Variants in MADD observed in about 807,000 individuals in gnomAD.
MADD encodes MAP kinase-activating death domain protein.
Under a neutral mutation model 176.7 loss-of-function variants are expected in MADD, and 109 were observed. The ratio of observed to expected loss-of-function variants is 0.62; its 90% CI spans 0.53 to 0.72. The LOEUF (loss-of-function observed/expected upper bound fraction) is 0.72, where lower values mean the gene tolerates loss of function less well. Ranked by LOEUF, MADD falls within the 30% of genes least tolerant of loss-of-function variation. The pLI, the probability that MADD is intolerant of heterozygous loss-of-function variation, is 0.00. For missense variants in MADD, 1,914 were observed against 2,045.5 expected (o/e 0.94, Z 1.24); for synonymous variants, 771 against 771.3 (o/e 1.00, Z 0.01).
chr11:47,297,156 A>G (rs115169413), intron 22 of MADD, among the ~76,000 whole-genome samples: 251 of 152,366 alleles, frequency 1.6e-3, no homozygotes, highest in African/African-American at 5.9e-3. Context: ...GATGTTCTCT[A>G]CAAGAGCTTA....
At chr11:47,300,206 C>CTTTT (rs777080143) in intron 22 of MADD, among the ~76,000 whole-genome samples, 2 of 130,350 alleles carry the variant, frequency 1.5e-5, no homozygotes, top group Non-Finnish European at 3.3e-5. Context: ...TTTTTTCTTT[C>CTTTT]TTTTTTTTTT....
At chr11:47,286,496 G>T (rs773170833) in exon 15 of MADD, 1 of 1,614,112 alleles carries the variant, frequency 6.2e-7, no homozygotes, top group Non-Finnish European at 8.5e-7. Context: ...CCCACCAAAG[G>T]TGCCCGAGAG....
intron 27 of MADD, among the ~76,000 whole-genome samples, chr11:47,317,369 T>G (rs1156362271): frequency 6.6e-6 from 1 of 152,166 alleles, no homozygotes; most frequent in Non-Finnish European, 1.5e-5. Context: ...GACAATGCAT[T>G]TGTAATTTTG....
At chr11:47,292,737 A>C (rs757018848) in intron 19 of MADD, 141 bp downstream of exon 21, 1 of 752,540 alleles carries the variant, frequency 1.3e-6, no homozygotes, top group Non-Finnish European at 2.3e-6. Context: ...GGTAGGTAGC[A>C]TGTGACTCCT....
chr11:47,285,248 G>A lies in MADD; in HGVS notation c.2411+54G>A. The A allele has an allele frequency of 3.8e-6, 6 of 1,593,050 alleles. No individual in the cohort carries two copies. The South Asian group carries it at 6.8e-5, about 18-fold the overall frequency. On this transcript the variant is annotated intron_variant, in intron 13 of 32. Coordinates refer to ENST00000402192, the Ensembl canonical transcript of MADD. ...GGTGACTGAAGGACCTCACCTCAGT[G>A]GACCCTGGGCAAGGGTTAATCAGAA...
At chr11:47,275,793 C>A in intron 3 of MADD, 106 bp from the exon 4 acceptor site, 1 of 1,108,784 alleles carries the variant, frequency 9.0e-7, no homozygotes, top group Admixed American at 2.3e-5. Context: ...CTTAATGATG[C>A]TCCGTTTCCC....
chr11:47,314,393 AC>A (rs2091879001), intron 26 of MADD, among the ~76,000 whole-genome samples: 1 of 152,188 alleles, frequency 6.6e-6, no homozygotes, highest in African/African-American at 2.4e-5. Context: ...TTTTAATGTA[AC>A]AATGTAAAAT....
At chr11:47,299,584 GCT>G (rs1491368471) in intron 22 of MADD, among the ~76,000 whole-genome samples, 2 of 65,236 alleles carry the variant, frequency 3.1e-5, no homozygotes, top group African/African-American at 2.0e-4. Flanking sequence ...AGATTTTAGG[GCT>G]TTTTTTTTTT....
intron 20 of MADD, 76 bp from the exon 23 acceptor site, chr11:47,295,420 A>C: frequency 1.6e-6 from 2 of 1,228,354 alleles, no homozygotes; most frequent in Non-Finnish European, 2.4e-6. Context: ...GAGGAGAAAG[A>C]AAAAGGTACA....
chr11:47,329,832 C>T (rs1229317246), exon 33 of MADD: 7 of 152,554 alleles, frequency 4.6e-5, no homozygotes, highest in Admixed American at 1.3e-4. Context: ...GCTGGCTGCT[C>T]TGCCTGAGCA....
At chr11:47,280,758 G>A (rs959848011) in intron 7 of MADD, among the ~76,000 whole-genome samples, 2 of 152,080 alleles carry the variant, frequency 1.3e-5, no homozygotes, top group Admixed American at 6.5e-5. Context: ...GTAGAGCTGG[G>A]GTTTCATCAT....
In MADD at chr11:47,327,818, A is replaced by G. The variant is rs911955053; in HGVS notation, c.4613-840A>G. 1.8e-5 allele frequency: 18 copies of G among 985,320 alleles called. No homozygotes were observed. The South Asian group carries it at 8.5e-4, about 46-fold the overall frequency. 61.0% of individuals were successfully genotyped at this position (985,320 alleles called of 1,614,324 possible). ...CCTGCCTTTTCTGGCCCCCAGGGAG[A>G]TGCCAGGCCCCTCTGCTCCCAGTCT... On this transcript the variant is annotated intron_variant, in intron 31 of 32. Coordinates refer to ENST00000402192, the Ensembl canonical transcript of MADD.
intron 22 of MADD, among the ~76,000 whole-genome samples, chr11:47,297,297 G>A (rs1222820324): frequency 6.6e-6 from 1 of 152,150 alleles, no homozygotes; most frequent in Non-Finnish European, 1.5e-5. Context: ...AATAGAGTCA[G>A]TGACCTCCCA....
At chr11:47,294,669 CAAA>C (rs58253961) in intron 20 of MADD, among the ~76,000 whole-genome samples, 2 of 56,030 alleles carry the variant, frequency 3.6e-5, no homozygotes, top group South Asian at 6.9e-4. Context: ...GACTCCGTCT[CAAA>C]AAAAAAAAAA....
chr11:47,317,690 C>G (rs188315717), intron 27 of MADD, among the ~76,000 whole-genome samples: 3 of 152,184 alleles, frequency 2.0e-5, no homozygotes, highest in Admixed American at 1.3e-4. Context: ...GCAACCTGAT[C>G]TGCCCACCAG....
intron 29 of MADD, 61 bp downstream of exon 32, chr11:47,324,398 G>C (rs1332873457): frequency 1.9e-6 from 3 of 1,603,272 alleles, no homozygotes; most frequent in Non-Finnish European, 2.6e-6. Context: ...TGAGTGTCAG[G>C]GGCCTGGCAG....
intron 22 of MADD, among the ~76,000 whole-genome samples, chr11:47,306,572 T>C (rs1234338497): frequency 6.6e-6 from 1 of 152,028 alleles, no homozygotes; most frequent in Admixed American, 6.6e-5. Flanking sequence ...TCTAGAATTG[T>C]CTTGCTTACT....
intron 19 of MADD, among the ~76,000 whole-genome samples, chr11:47,292,102 G>A (rs1279824626): frequency 1.3e-5 from 2 of 152,158 alleles, no homozygotes; most frequent in East Asian, 3.9e-4. Context: ...GCTGCTTGAG[G>A]TGTTCATCTG....
chr11:47,271,814 T>C (rs1964362200), intron 1 of MADD: 1 of 151,434 alleles, frequency 6.6e-6, no homozygotes, highest in South Asian at 2.1e-4. Context: ...TCCCATTTCA[T>C]TTCTCTATTT....
Sources: gnomAD v4.1 joint callset for allele counts (sites outside exome capture counted in the v4.1 genomes callset) on GRCh38, gnomAD v4.1.1 for gene constraint, MANE v1.5 for transcripts, NCBI Gene and HGNC (gene_info 2026-07-23, HGNC 2026-07-21) for gene names.